Variants in KCNQ1 observed in about 807,000 individuals in gnomAD.
KCNQ1 encodes the protein potassium voltage-gated channel subfamily KQT member 1.
A neutral mutation model predicts 72.4 loss-of-function variants in KCNQ1; 49 were observed. That is an observed-to-expected ratio of 0.68 (90% CI 0.54 to 0.86). The LOEUF is 0.86. Among genes scored for constraint, KCNQ1 ranks in the 40% least tolerant of loss-of-function variants. The pLI is 0.00. For missense variants in KCNQ1, 790 were observed against 945.1 expected (o/e 0.84, Z 2.15); for synonymous variants, 450 against 412.6 (o/e 1.09, Z -1.10).
At chr11:2,540,666 C>T (rs946466950) in intron 2 of KCNQ1, among the ~76,000 whole-genome samples, 1 of 152,214 alleles carries the variant, frequency 6.6e-6, no homozygotes, top group East Asian at 1.9e-4. Flanking sequence ...ACAATAGTCT[C>T]CTCCCCAAAT....
At position 2,544,761 on chromosome 11, in the gene KCNQ1, C is replaced by A. The variant is rs899896625; in HGVS notation, c.477+16743C>A. ...GAATGATGTTTTCTGAACATAGAGA[C>A]AGTTTTACCTCTTTTTTTCAAATGT... On this transcript the variant is annotated intron_variant, in intron 2 of 15. Coordinates refer to ENST00000155840, the MANE Select transcript of KCNQ1 (RefSeq NM_000218.3). The surrounding 1 kb of genome is among the most constrained non-coding windows in gnomAD (Gnocchi z 4.4). Among the ~76,000 whole-genome samples, 2 of 152,150 alleles carry A rather than the reference C, an allele frequency of 1.3e-5. No individual in the cohort carries two copies. Among genetic ancestry groups the A allele is most frequent in the Admixed American group, 6.5e-5 (1 of 15,278 alleles).
At chr11:2,606,589 T>C (rs765594263) in intron 10 of KCNQ1, among the ~76,000 whole-genome samples, 5 of 152,170 alleles carry the variant, frequency 3.3e-5, no homozygotes, top group Non-Finnish European at 5.9e-5. Context: ...CAGGAGCAGG[T>C]GCTGGTGCCA....
intron 2 of KCNQ1, among the ~76,000 whole-genome samples, chr11:2,555,984 G>T (rs530657991): frequency 6.6e-6 from 1 of 152,324 alleles, no homozygotes; most frequent in Non-Finnish European, 1.5e-5. Context: ...CCTTGCTGAT[G>T]ACCTGGAGCC....
Position 2,571,316 on chromosome 11 carries a change from A to G in KCNQ1, c.605-9A>G. 1 of 1,611,728 alleles carries G rather than the reference A, an allele frequency of 6.2e-7. No homozygotes were observed. Among genetic ancestry groups the G allele is most frequent in the South Asian group, 1.1e-5 (1 of 91,050 alleles). ...TCACGAAAAGCTCCCCCTCTCCTGCACTCCACAGACCTCATCGTGGTCGTG... is the reference window on the plus strand; with the variant it reads ...TCACGAAAAGCTCCCCCTCTCCTGCGCTCCACAGACCTCATCGTGGTCGTG... On this transcript the variant is annotated splice_polypyrimidine_tract_variant and intron_variant, in intron 3 of 15. Transcript: ENST00000155840.
intron 1 of KCNQ1, among the ~76,000 whole-genome samples, chr11:2,525,923 T>C (rs568876032): frequency 6.6e-6 from 1 of 152,278 alleles, no homozygotes; most frequent in East Asian, 1.9e-4. Flanking sequence ...GCTCATGGTC[T>C]AGGGGGTGGA....
chr11:2,463,573 T>C lies in KCNQ1; in HGVS notation c.386+18089T>C, dbSNP rs2074238. Among the ~76,000 whole-genome samples, 143,325 of 152,140 alleles carry C rather than the reference T, an allele frequency of 0.94. 67,558 individuals carry two copies. Among genetic ancestry groups the C allele is most frequent in the African/African-American group, 0.98 (40,866 of 41,520 alleles). ...GCTGCCTGCCACCTCAAAGTCACGC[T>C]GCCCTGGGCACCCTGCCTCTTCCGG... is the stretch of plus-strand genomic sequence containing the variant. On this transcript the variant is annotated intron_variant, in intron 1 of 15. Coordinates refer to ENST00000155840, the MANE Select transcript of KCNQ1 (RefSeq NM_000218.3). The surrounding 1 kb of genome is among the most constrained non-coding windows in gnomAD (Gnocchi z 7.0).
At position 2,815,147 on chromosome 11, in the gene KCNQ1, A is replaced by G. The variant is rs1257844572; in HGVS notation, c.1795-32620A>G. ...TGTGGTCAGTACCAATCCCTCCCCA[A>G]ATTACCCCCATGCTCAGGGTGTCAC... On this transcript the variant is annotated intron_variant, in intron 15 of 15. Transcript: ENST00000155840. This position sits in a 1 kb window ranked among gnomAD's most constrained non-coding sequence, Gnocchi z 5.4. Among the ~76,000 whole-genome samples the G allele has an allele frequency of 6.6e-6, 1 of 152,078 alleles. No homozygotes were observed. The highest frequency in any genetic ancestry group is 1.5e-5 in the Non-Finnish European group (1 of 68,014).
Position 2,816,843 on chromosome 11 carries a change from C to G in KCNQ1, c.1795-30924C>G, listed in dbSNP as rs1043145358. Among the ~76,000 whole-genome samples, 1 of 152,004 alleles carries G rather than the reference C, an allele frequency of 6.6e-6. No individual in the cohort carries two copies. The highest frequency in any genetic ancestry group is 1.5e-5 in the Non-Finnish European group (1 of 67,936). On this transcript the variant is annotated intron_variant, in intron 15 of 15. Transcript: ENST00000155840. This position sits in a 1 kb window ranked among gnomAD's most constrained non-coding sequence, Gnocchi z 6.8. ...CATTTCAGACATCTCCATCTGATGTCTGAGCCCTGAACAGACACAGGTGTC... is the reference window on the plus strand; with the variant it reads ...CATTTCAGACATCTCCATCTGATGTGTGAGCCCTGAACAGACACAGGTGTC...
At chr11:2,560,194 A>G (rs1267767428) in intron 2 of KCNQ1, among the ~76,000 whole-genome samples, 3 of 78,716 alleles carry the variant, frequency 3.8e-5, no homozygotes, top group African/African-American at 1.5e-4. Context: ...GAGGGGTGAC[A>G]TCCATCCTGG....
In KCNQ1 at chr11:2,679,076, C is replaced by T. The variant is rs182498922; in HGVS notation, c.1514+16995C>T. 2 of 398,640 alleles carry T rather than the reference C, an allele frequency of 5.0e-6. No individual in the cohort carries two copies. The highest frequency in any genetic ancestry group is 8.8e-5 in the Admixed American group (2 of 22,744). 24.7% of individuals were successfully genotyped at this position (398,640 alleles called of 1,614,324 possible). A position where few individuals can be genotyped will look rare whatever the true frequency, so the allele number is the denominator to read the frequency against. ...AACCACCAAAAAAACCCACTAACACCATAAAGTGTCATAGCTAGAGCTAGA... is the reference window on the plus strand; with the variant it reads ...AACCACCAAAAAAACCCACTAACACTATAAAGTGTCATAGCTAGAGCTAGA... On this transcript the variant is annotated intron_variant, in intron 11 of 15. Coordinates refer to ENST00000155840, the MANE Select transcript of KCNQ1 (RefSeq NM_000218.3). This position sits in a 1 kb window ranked among gnomAD's most constrained non-coding sequence, Gnocchi z 4.8.
chr11:2,831,807 G>A (rs1847957689), intron 15 of KCNQ1, among the ~76,000 whole-genome samples: 1 of 149,110 alleles, frequency 6.7e-6, no homozygotes, highest in African/African-American at 2.5e-5. Flanking sequence ...CAGCGAGGAA[G>A]TGGCCACTCC....
Position 2,482,746 on chromosome 11 carries a change from G to A in KCNQ1, c.386+37262G>A, listed in dbSNP as rs1846672897. ...AGAATATCCTTCCTCCTCTTAGTGA[G>A]GGGAGTATGTTTATGTTTGTTGAGC... is the stretch of plus-strand genomic sequence containing the variant. On this transcript the variant is annotated intron_variant, in intron 1 of 15. Transcript: ENST00000155840. The surrounding 1 kb of genome is among the most constrained non-coding windows in gnomAD (Gnocchi z 5.7). Among the ~76,000 whole-genome samples, 1 of 152,120 alleles carries A rather than the reference G, an allele frequency of 6.6e-6. No individual in the cohort carries two copies. Among genetic ancestry groups the A allele is most frequent in the Non-Finnish European group, 1.5e-5 (1 of 68,036 alleles).
intron 11 of KCNQ1, among the ~76,000 whole-genome samples, chr11:2,708,717 G>GC (rs1000818903): frequency 1.3e-5 from 2 of 151,674 alleles, no homozygotes; most frequent in African/African-American, 4.8e-5. Flanking sequence ...CGCGGGTTGC[G>GC]GGGGGCGGTC....
At chr11:2,798,439 GC>G (rs1847185020) in intron 15 of KCNQ1, among the ~76,000 whole-genome samples, 1 of 152,062 alleles carries the variant, frequency 6.6e-6, no homozygotes, top group Non-Finnish European at 1.5e-5. Context: ...CGTCTGGGGG[GC>G]CTCCTTACTG....
Position 2,617,569 on chromosome 11 carries a change from G to A in KCNQ1, c.1393+28715G>A, listed in dbSNP as rs1211621446. On this transcript the variant is annotated intron_variant, in intron 10 of 15. Coordinates refer to ENST00000155840, the MANE Select transcript of KCNQ1 (RefSeq NM_000218.3). This position sits in a 1 kb window ranked among gnomAD's most constrained non-coding sequence, Gnocchi z 4.6. ...GAGGTGGAGATTTCATTTTCTTTGG[G>A]AATATACCTAGAAGAGGGATTAGTG... 5.0e-6 allele frequency: 2 copies of A among 398,246 alleles called. No individual in the cohort carries two copies. The highest frequency in any genetic ancestry group is 4.1e-5 in the African/African-American group (2 of 48,586). 24.7% of individuals were successfully genotyped at this position (398,246 alleles called of 1,614,324 possible).
At chr11:2,467,689 C>G (rs1024888161) in intron 1 of KCNQ1, among the ~76,000 whole-genome samples, 4 of 152,184 alleles carry the variant, frequency 2.6e-5, no homozygotes, top group Non-Finnish European at 5.9e-5. Flanking sequence ...AGACACCTGC[C>G]CCCCACGTCA....
At chr11:2,587,755 G>T (rs1259902631) in intron 9 of KCNQ1, 63 bp downstream of exon 9, 2 of 1,608,432 alleles carry the variant, frequency 1.2e-6, no homozygotes, top group South Asian at 1.1e-5. Context: ...GGCCGTGGGG[G>T]CCGCAGCACG....
intron 15 of KCNQ1, among the ~76,000 whole-genome samples, chr11:2,840,695 G>A (rs79774694): frequency 0.02 from 3,089 of 152,248 alleles, 47 homozygotes; most frequent in Middle Eastern, 0.051. Context: ...ACCCATACAC[G>A]AGACAAATAG....
In KCNQ1 at chr11:2,448,204, T is replaced by C. The variant is rs369036304; in HGVS notation, c.386+2720T>C. On this transcript the variant is annotated intron_variant, in intron 1 of 15. Transcript: ENST00000155840. ...GCATCTACTCTGGTTGCTGAGATGCTTGGAGATCCTGGTTGTGGCCAAGGA... is the reference window on the plus strand; with the variant it reads ...GCATCTACTCTGGTTGCTGAGATGCCTGGAGATCCTGGTTGTGGCCAAGGA... Among the ~76,000 whole-genome samples, 167 of 152,314 alleles carry C rather than the reference T, an allele frequency of 1.1e-3. 2 individuals carry two copies. In the South Asian group the frequency reaches 0.032, roughly 29 times the overall value.
Sources: allele counts gnomAD v4.1 joint callset (sites outside exome capture counted in the v4.1 genomes callset), GRCh38; gene constraint gnomAD v4.1.1; non-coding constraint Gnocchi (gnomAD v3.1); transcripts MANE v1.5; gene names NCBI Gene and HGNC (gene_info 2026-07-23, HGNC 2026-07-21).